The following SLC25A12 variants were observed in gnomAD, a reference collection of about 807,000 sequenced individuals.
SLC25A12 encodes solute carrier family 25 member 12.
A neutral mutation model predicts 83.3 loss-of-function variants in SLC25A12; 32 were observed. The ratio of observed to expected loss-of-function variants is 0.38; its 90% CI spans 0.29 to 0.52. SLC25A12 has a LOEUF of 0.52. Ranked by LOEUF, SLC25A12 falls within the 20% of genes least tolerant of loss-of-function variation. SLC25A12 has a pLI of 0.84. For synonymous variants in SLC25A12, 267 were observed against 291.1 expected (o/e 0.92, Z 0.84); for missense variants, 611 against 835.6 (o/e 0.73, Z 3.31).
chr2:171,828,504 A>T (rs548132340), intron 8 of SLC25A12, among the ~76,000 whole-genome samples: 15 of 152,302 alleles, frequency 9.8e-5, no homozygotes, highest in African/African-American at 3.4e-4. Context: ...TTTAGAATAC[A>T]TTCTACATCT....
chr2:171,820,556 G>A (rs866259749), intron 9 of SLC25A12, among the ~76,000 whole-genome samples: 32 of 138,244 alleles, frequency 2.3e-4, no homozygotes, highest in Admixed American at 4.4e-4. Context: ...GTGAAACCCC[G>A]TCTCTACTAA....
chr2:171,873,805 TA>T (rs1685507062), intron 2 of SLC25A12, among the ~76,000 whole-genome samples: 1 of 152,208 alleles, frequency 6.6e-6, no homozygotes, highest in African/African-American at 2.4e-5. Context: ...TCTTTTTATA[TA>T]AATGATAGCA....
chr2:171,802,823 ATAC>A (rs751859379), intron 13 of SLC25A12, among the ~76,000 whole-genome samples: 3 of 152,282 alleles, frequency 2.0e-5, no homozygotes, highest in Middle Eastern at 3.4e-3. Flanking sequence ...CAATCTGTTT[ATAC>A]TACTATTCCC....
chr2:171,839,194 A>T (rs1016903531), intron 5 of SLC25A12, among the ~76,000 whole-genome samples: 1 of 152,204 alleles, frequency 6.6e-6, no homozygotes. Context: ...TCAAATGCAT[A>T]TATTTTCAAC....
chr2:171,796,070 C>T (rs1041127742), intron 13 of SLC25A12, among the ~76,000 whole-genome samples: 3 of 152,096 alleles, frequency 2.0e-5, no homozygotes, highest in East Asian at 1.9e-4. Flanking sequence ...CTCAGCTTCC[C>T]GAGTAGCTGG....
chr2:171,835,967 G>C (rs1017415827), intron 6 of SLC25A12, among the ~76,000 whole-genome samples: 2 of 152,148 alleles, frequency 1.3e-5, no homozygotes, highest in Non-Finnish European at 2.9e-5. Context: ...GGCTATTATA[G>C]TAGGTCTATC....
intron 8 of SLC25A12, among the ~76,000 whole-genome samples, chr2:171,829,851 G>T (rs1361046885): frequency 6.6e-6 from 1 of 152,090 alleles, no homozygotes; most frequent in Non-Finnish European, 1.5e-5. Context: ...AAACCCTCAG[G>T]GTAATTGCCC....
At chr2:171,876,032 A>C (rs1685563830) in intron 2 of SLC25A12, among the ~76,000 whole-genome samples, 1 of 152,160 alleles carries the variant, frequency 6.6e-6, no homozygotes, top group African/African-American at 2.4e-5. Context: ...CTTTAAAACT[A>C]TCAGGAAATA....
chr2:171,813,507 G>A lies in SLC25A12; in HGVS notation c.1013-10C>T. The A allele has an allele frequency of 6.2e-7, 1 of 1,613,722 alleles. No individual in the cohort carries two copies. The highest frequency in any genetic ancestry group is 1.7e-5 in the Admixed American group (1 of 59,966). On this transcript the variant is annotated splice_polypyrimidine_tract_variant and intron_variant, in intron 10 of 17. Coordinates refer to ENST00000422440, the MANE Select transcript of SLC25A12 (RefSeq NM_003705.5). ...GCAGTGGCTCCCACAGCTACAAACA[G>A]AACAATTTTTAGGCTTAAAAAAGAA...
chr2:171,814,509 T>C (rs752121430), intron 10 of SLC25A12, among the ~76,000 whole-genome samples: 1 of 152,028 alleles, frequency 6.6e-6, no homozygotes, highest in Non-Finnish European at 1.5e-5. Context: ...TTTAGTTTTA[T>C]TTTAGGTGTG....
chr2:171,876,343 G>C (rs1224135006), intron 2 of SLC25A12, among the ~76,000 whole-genome samples: 3 of 152,162 alleles, frequency 2.0e-5, no homozygotes, highest in South Asian at 2.1e-4. Context: ...CATTAAATTA[G>C]AGACAATTAC....
intron 2 of SLC25A12, among the ~76,000 whole-genome samples, chr2:171,872,802 CA>C (rs1685484633): frequency 6.6e-6 from 1 of 151,656 alleles, no homozygotes; most frequent in Non-Finnish European, 1.5e-5. Context: ...AAAACAAAAA[CA>C]AAACAAAACA....
rs1683536774 is a variant in SLC25A12 at position 171,793,727 on chromosome 2, A to G, written c.1346T>C (p.Ile449Thr). The change falls in exon 14 of 18, where the codon ATA becomes ACA. Residue 449 changes from isoleucine (I) to threonine (T), a missense_variant. Ile to Thr is a moderately conservative substitution (Grantham distance 89). Coordinates refer to ENST00000422440, the MANE Select transcript of SLC25A12 (RefSeq NM_003705.5). Reference sequence around the variant, plus strand: ...AGCTACTTGCAGACGAATCTTCACTATCTCCAATGGGTTGGTAAAAATGAC... The same window carrying G: ...AGCTACTTGCAGACGAATCTTCACTGTCTCCAATGGGTTGGTAAAAATGAC... ...SQVIFTNPLE[I>T]VKIRLQVAGE... 6.2e-7 allele frequency: 1 copy of G among 1,614,162 alleles called. No homozygotes were observed. Among genetic ancestry groups the G allele is most frequent in the Non-Finnish European group, 8.5e-7 (1 of 1,180,026 alleles).
At chr2:171,831,684 T>C (rs188015299) in intron 8 of SLC25A12, among the ~76,000 whole-genome samples, 37 of 152,190 alleles carry the variant, frequency 2.4e-4, no homozygotes, top group Non-Finnish European at 1.6e-4. Context: ...GGTGGGTAGA[T>C]CATCTGAGGT....
At chr2:171,857,487 G>A (rs1685071359) in intron 3 of SLC25A12, among the ~76,000 whole-genome samples, 1 of 152,042 alleles carries the variant, frequency 6.6e-6, no homozygotes, top group African/African-American at 2.4e-5. Flanking sequence ...GAGTTCAAGA[G>A]CAGCTTAGGC....
intron 9 of SLC25A12, among the ~76,000 whole-genome samples, chr2:171,824,856 G>C (rs1365837106): frequency 6.6e-6 from 1 of 151,678 alleles, no homozygotes; most frequent in Non-Finnish European, 1.5e-5. Context: ...CCAAGCTGGA[G>C]TGTAGTAGCA....
intron 8 of SLC25A12, among the ~76,000 whole-genome samples, chr2:171,830,037 G>T (rs1247248070): frequency 6.6e-6 from 1 of 152,234 alleles, no homozygotes; most frequent in African/African-American, 2.4e-5. Flanking sequence ...GGAAAATCTA[G>T]CCGTGTTTTA....
chr2:171,819,246 TAA>T (rs1392444087), intron 9 of SLC25A12, among the ~76,000 whole-genome samples: 3 of 131,072 alleles, frequency 2.3e-5, no homozygotes, highest in Non-Finnish European at 4.7e-5. Flanking sequence ...TAATATATAC[TAA>T]TATATATAAT....
At chr2:171,786,382 TA>T (rs5836348) in intron 17 of SLC25A12, among the ~76,000 whole-genome samples, 55,269 of 85,724 alleles carry the variant, frequency 0.64, 17,607 homozygotes, top group Middle Eastern at 0.84. Context: ...AGACTCCGTC[TA>T]AAAAAAAAAA....
Sources: allele counts gnomAD v4.1 joint callset (sites outside exome capture counted in the v4.1 genomes callset), GRCh38; gene constraint gnomAD v4.1.1; transcripts MANE v1.5; gene names NCBI Gene and HGNC (gene_info 2026-07-23, HGNC 2026-07-21).